RASGRP3: variants seen among roughly 807,000 people sequenced by gnomAD.
The protein encoded by RASGRP3 is RAS guanyl releasing protein 3.
RASGRP3 carries 54 observed loss-of-function variants against 82.7 expected under a neutral mutation model. That is an observed-to-expected ratio of 0.65 (90% CI 0.52 to 0.82). RASGRP3 has a LOEUF of 0.82. Among genes scored for constraint, RASGRP3 ranks in the 40% least tolerant of loss-of-function variants. RASGRP3 has a pLI of 0.00. For missense variants in RASGRP3, 861 were observed against 828.9 expected (o/e 1.04, Z -0.48); for synonymous variants, 309 against 300.5 (o/e 1.03, Z -0.29).
chr2:33,457,838 G>T (rs1666125384), intron 2 of RASGRP3, among the ~76,000 whole-genome samples: 1 of 152,044 alleles, frequency 6.6e-6, no homozygotes, highest in South Asian at 2.1e-4. Flanking sequence ...TCAGAAAATG[G>T]TTAAAAAAAG....
intron 1 of RASGRP3, among the ~76,000 whole-genome samples, chr2:33,491,541 A>ATT: frequency 6.6e-6 from 1 of 152,350 alleles, no homozygotes; most frequent in East Asian, 1.9e-4. Context: ...TTGCTTTTTA[A>ATT]TATCCTGTGG....
Position 33,562,874 on chromosome 2 carries a change from A to C in RASGRP3, c.*137A>C. 1 of 1,168,890 alleles carries C rather than the reference A, an allele frequency of 8.6e-7. No homozygotes were observed. Among genetic ancestry groups the C allele is most frequent in the South Asian group, 1.4e-5 (1 of 71,172 alleles). The allele number at this position is 1,168,890 out of a possible 1,614,324, so 72.4% of individuals were successfully genotyped here. A position where few individuals can be genotyped will look rare whatever the true frequency, so the allele number is the denominator to read the frequency against. On this transcript the variant is annotated 3_prime_UTR_variant, in exon 18 of 18. Coordinates refer to ENST00000403687, the MANE Select transcript of RASGRP3 (RefSeq NM_001139488.2). ...GTTTACTGCCTTGGGACACTGTGGG[A>C]TCTCCATGTTTGGACTATGGGACAG...
intron 5 of RASGRP3, 121 bp downstream of exon 5, chr2:33,520,135 C>A: frequency 2.5e-6 from 2 of 808,728 alleles, no homozygotes; most frequent in Non-Finnish European, 3.9e-6. Flanking sequence ...CCCCTCCCAC[C>A]AACTTTGTTA....
intron 1 of RASGRP3, among the ~76,000 whole-genome samples, chr2:33,486,882 C>T (rs1287422392): frequency 6.6e-6 from 1 of 152,044 alleles, no homozygotes; most frequent in Non-Finnish European, 1.5e-5. Context: ...TAAGGTGGTT[C>T]TGGGTGGTTA....
intron 6 of RASGRP3, 51 bp downstream of exon 6, chr2:33,520,735 G>A: frequency 1.2e-6 from 2 of 1,601,346 alleles, no homozygotes; most frequent in Non-Finnish European, 1.7e-6. Flanking sequence ...CCACTTAGGG[G>A]AGGAAGTAGT....
In RASGRP3 at chr2:33,515,215, C is replaced by T. The variant is rs760704497; in HGVS notation, c.70+9C>T. ...TTGCATTGAGATGTTTGGTACGAGC[C>T]TTTTCTCCTTTCATCTCTTTTGGAT... On this transcript the variant is annotated intron_variant, in intron 3 of 17. Coordinates refer to ENST00000403687, the MANE Select transcript of RASGRP3 (RefSeq NM_001139488.2). 4 of 1,613,334 alleles carry T rather than the reference C, an allele frequency of 2.5e-6. 1 individual carries two copies. The South Asian group carries it at 4.4e-5, about 18-fold the overall frequency.
chr2:33,460,787 T>C (rs937716280), intron 2 of RASGRP3, among the ~76,000 whole-genome samples: 2 of 152,126 alleles, frequency 1.3e-5, no homozygotes, highest in African/African-American at 4.8e-5. Context: ...AGTGCTAGGA[T>C]TATGGACGTG....
At chr2:33,491,772 C>T (rs1359702209) in intron 1 of RASGRP3, among the ~76,000 whole-genome samples, 1 of 152,236 alleles carries the variant, frequency 6.6e-6, no homozygotes, top group African/African-American at 2.4e-5. Flanking sequence ...ATTGTCTATG[C>T]AGCCTCGCAG....
chr2:33,507,847 T>C (rs1456802298), intron 1 of RASGRP3, among the ~76,000 whole-genome samples: 1 of 152,226 alleles, frequency 6.6e-6, no homozygotes, highest in Non-Finnish European at 1.5e-5. Context: ...TTTTAAAAGA[T>C]TCTTTCAGCT....
At chr2:33,521,439 C>G (rs1672026326) in intron 6 of RASGRP3, among the ~76,000 whole-genome samples, 1 of 152,160 alleles carries the variant, frequency 6.6e-6, no homozygotes, top group African/African-American at 2.4e-5. Context: ...CAATAGTAAT[C>G]AATAGTGAAT....
chr2:33,502,367 C>T (rs1307788473), intron 1 of RASGRP3, among the ~76,000 whole-genome samples: 3 of 152,086 alleles, frequency 2.0e-5, no homozygotes, highest in African/African-American at 4.8e-5. Flanking sequence ...TCACTCTGGG[C>T]TTCCCTTCAT....
chr2:33,451,001 C>G (rs1235713387), intron 2 of RASGRP3, among the ~76,000 whole-genome samples: 1 of 151,204 alleles, frequency 6.6e-6, no homozygotes, highest in East Asian at 1.9e-4. Context: ...CCACGCCTGG[C>G]TAATTTTGTT....
chr2:33,539,153 G>C lies in RASGRP3; in HGVS notation c.1221G>C (p.Gly407=), dbSNP rs762776322. The part of the protein sequence containing the change: ...KPVVPLEWAL[G]VMPKPDPTVI... ...TGGTACCCCTGGAGTGGGCATTAGG[G>C]GTGATGCCAAAGCCAGACCCCACGG... The change falls in exon 12 of 18, where the codon GGG becomes GGC. Residue 407 remains glycine (G), a synonymous_variant. Transcript: ENST00000403687. 5 of 1,612,092 alleles carry C rather than the reference G, an allele frequency of 3.1e-6. No individual in the cohort carries two copies. Among genetic ancestry groups the C allele is most frequent in the Non-Finnish European group, 4.2e-6 (5 of 1,179,226 alleles).
At chr2:33,542,958 G>A (rs907286190) in intron 12 of RASGRP3, among the ~76,000 whole-genome samples, 12 of 152,142 alleles carry the variant, frequency 7.9e-5, no homozygotes, top group African/African-American at 2.2e-4. Context: ...CTCCTAAAGT[G>A]CTAGGATTGC....
intron 10 of RASGRP3, among the ~76,000 whole-genome samples, chr2:33,530,393 G>A (rs4670657): frequency 0.035 from 5,315 of 151,498 alleles, 228 homozygotes; most frequent in Admixed American, 0.12. Context: ...GTTAATTACA[G>A]TTTTCACAGC....
At chr2:33,555,021 A>C (rs377242769) in intron 14 of RASGRP3, 2 of 152,586 alleles carry the variant, frequency 1.3e-5, no homozygotes, top group East Asian at 3.9e-4. Context: ...GCAAATGTGG[A>C]GAATGAAGAC....
intron 2 of RASGRP3, among the ~76,000 whole-genome samples, chr2:33,453,474 G>T (rs1665898958): frequency 6.6e-6 from 1 of 152,194 alleles, no homozygotes; most frequent in Non-Finnish European, 1.5e-5. Context: ...GCATGTTGGT[G>T]CTGGCTGTTA....
chr2:33,438,546 A>G (rs1665048544), intron 1 of RASGRP3, among the ~76,000 whole-genome samples: 6 of 139,648 alleles, frequency 4.3e-5, no homozygotes, highest in South Asian at 4.8e-4. Flanking sequence ...TGGGCAATGG[A>G]GTGAGACTCC....
In RASGRP3 at chr2:33,527,309, T is replaced by A; in HGVS notation, c.980T>A (p.Ile327Asn). 1.9e-6 allele frequency: 3 copies of A among 1,613,998 alleles called. No individual in the cohort carries two copies. Among genetic ancestry groups the A allele is most frequent in the Non-Finnish European group, 2.5e-6 (3 of 1,179,860 alleles). ...PDWTEENKVN[I>N]VKMHQLSVTL... Reference sequence around the variant, plus strand: ...TGGACAGAGGAGAACAAAGTGAACATTGTGAAAATGCACCAGCTCTCCGTT... The same window carrying A: ...TGGACAGAGGAGAACAAAGTGAACAATGTGAAAATGCACCAGCTCTCCGTT... The change falls in exon 10 of 18, where the codon ATT becomes AAT. Residue 327 changes from isoleucine to asparagine, a missense_variant. Ile to Asn is a moderately radical substitution (Grantham distance 149). Coordinates refer to ENST00000403687, the MANE Select transcript of RASGRP3 (RefSeq NM_001139488.2).
Sources: gnomAD v4.1 joint callset for allele counts (sites outside exome capture counted in the v4.1 genomes callset) on GRCh38, gnomAD v4.1.1 for gene constraint, MANE v1.5 for transcripts, NCBI Gene and HGNC (gene_info 2026-07-23, HGNC 2026-07-21) for gene names.